The following VPS13B variants were observed in gnomAD, a reference collection of about 807,000 sequenced individuals.
VPS13B encodes the protein intermembrane lipid transfer protein VPS13B.
In VPS13B, 285 loss-of-function variants were observed where a neutral mutation model predicts 426.4. That is an observed-to-expected ratio of 0.67 (90% CI 0.61 to 0.74). VPS13B has a LOEUF of 0.74. VPS13B is among the 30% of genes least tolerant of loss of function. VPS13B has a pLI of 0.00. For synonymous variants in VPS13B, 1,676 were observed against 1,676.4 expected, an observed-to-expected ratio of 1.00 and a Z score of 0.01; for missense variants, 4,537 against 4,782.6, an observed-to-expected ratio of 0.95 and a Z score of 1.51.
chr8:99,363,293 A>G (rs1812670840), intron 19 of VPS13B, among the ~76,000 whole-genome samples: 1 of 152,064 alleles, frequency 6.6e-6, no homozygotes, highest in Admixed American at 6.5e-5. Flanking sequence ...TGTTCTTGGC[A>G]CCGTTGTTGA....
intron 21 of VPS13B, among the ~76,000 whole-genome samples, chr8:99,392,082 C>A (rs1481986073): frequency 6.6e-6 from 1 of 152,168 alleles, no homozygotes; most frequent in South Asian, 2.1e-4. Context: ...AGACTGTTCG[C>A]TATGCAAATA....
At chr8:99,229,380 G>A (rs1816196447) in intron 17 of VPS13B, among the ~76,000 whole-genome samples, 1 of 152,206 alleles carries the variant, frequency 6.6e-6, no homozygotes, top group Non-Finnish European at 1.5e-5. Context: ...GCTAACAGCT[G>A]AAGACTGTCA....
intron 61 of VPS13B, 134 bp downstream of exon 61, chr8:99,871,831 CAG>C: frequency 1.3e-6 from 2 of 1,520,088 alleles, no homozygotes; most frequent in Non-Finnish European, 1.8e-6. Context: ...AGCTGCTACC[CAG>C]AGGAGGAAGT....
chr8:99,143,931 T>C (rs573625934), intron 13 of VPS13B, among the ~76,000 whole-genome samples: 2 of 152,308 alleles, frequency 1.3e-5, no homozygotes, highest in African/African-American at 4.8e-5. Flanking sequence ...GACTAGGTTC[T>C]GTCTACTGGG....
intron 3 of VPS13B, among the ~76,000 whole-genome samples, chr8:99,046,221 C>A (rs1346607075): frequency 2.6e-5 from 4 of 152,134 alleles, no homozygotes; most frequent in African/African-American, 9.6e-5. Flanking sequence ...TTTCTTCCAG[C>A]AGTGTTTGTA....
chr8:99,323,089 G>A (rs1810063770), intron 19 of VPS13B, among the ~76,000 whole-genome samples: 1 of 152,178 alleles, frequency 6.6e-6, no homozygotes, highest in African/African-American at 2.4e-5. Flanking sequence ...GACAGGCTTG[G>A]CCAGTTCGTA....
chr8:99,873,424 A>G (rs957211792), intron 61 of VPS13B: 2 of 152,190 alleles, frequency 1.3e-5, no homozygotes, highest in Non-Finnish European at 2.9e-5. Flanking sequence ...TACCATTTTC[A>G]GCACTGATTT....
intron 6 of VPS13B, among the ~76,000 whole-genome samples, chr8:99,115,241 G>A (rs1278511509): frequency 6.6e-6 from 1 of 151,940 alleles, no homozygotes; most frequent in African/African-American, 2.4e-5. Context: ...GGATGTATAT[G>A]TATTCTTTAT....
chr8:99,119,278 T>C lies in VPS13B; in HGVS notation c.938-1899T>C, dbSNP rs981823151. 2.6e-5 allele frequency: 4 copies of C among 152,228 alleles called. 1 individual carries two copies. Among genetic ancestry groups the C allele is most frequent in the Admixed American group, 2.6e-4 (4 of 15,282 alleles). The allele number at this position is 152,228 out of a possible 1,614,324, so 9.4% of individuals were successfully genotyped here. ...TATTTATTGACATAGTCTCACTCTG[T>C]TGCCTAGGCTGGAGTATGATGGCAT... On this transcript the variant is annotated intron_variant, in intron 7 of 61. Transcript: ENST00000357162.
At chr8:99,675,559 A>G (rs1029485474) in intron 35 of VPS13B, among the ~76,000 whole-genome samples, 2 of 151,950 alleles carry the variant, frequency 1.3e-5, no homozygotes, top group African/African-American at 2.4e-5. Flanking sequence ...ATCTATCTCT[A>G]TTCTCTCTTG....
At chr8:99,669,427 G>A (rs770338110) in intron 35 of VPS13B, among the ~76,000 whole-genome samples, 3 of 152,026 alleles carry the variant, frequency 2.0e-5, no homozygotes, top group Non-Finnish European at 4.4e-5. Context: ...TTGTAGCCAT[G>A]AAATGACATT....
chr8:99,084,871 C>T (rs980619560), intron 3 of VPS13B, among the ~76,000 whole-genome samples: 9 of 152,060 alleles, frequency 5.9e-5, no homozygotes, highest in Non-Finnish European at 1.3e-4. Flanking sequence ...GCTTTACTTC[C>T]GACTATGTGA....
chr8:99,259,827 A>G (rs1817951501), intron 17 of VPS13B, among the ~76,000 whole-genome samples: 1 of 152,134 alleles, frequency 6.6e-6, no homozygotes, highest in Non-Finnish European at 1.5e-5. Flanking sequence ...AGAAAGCCTT[A>G]TGAAATGTAA....
chr8:99,740,895 C>G (rs559441387), intron 39 of VPS13B, among the ~76,000 whole-genome samples: 1 of 152,176 alleles, frequency 6.6e-6, no homozygotes, highest in East Asian at 1.9e-4. Context: ...ACCATCGAGG[C>G]TAGGAAGAAA....
At chr8:99,834,543 T>TTA (rs1554574789) in intron 52 of VPS13B, among the ~76,000 whole-genome samples, 2 of 142,528 alleles carry the variant, frequency 1.4e-5, no homozygotes, top group African/African-American at 2.5e-5. Context: ...ATTTTTATTT[T>TTA]TTATTTTTTT....
At chr8:99,134,490 T>C (rs961675408) in intron 8 of VPS13B, 142 bp from the exon 9 acceptor site, 5 of 641,712 alleles carry the variant, frequency 7.8e-6, no homozygotes, top group African/African-American at 1.8e-5. Context: ...ACAGCTGTTT[T>C]TGTTGCACCT....
At chr8:99,725,352 C>T (rs1340721673) in intron 39 of VPS13B, among the ~76,000 whole-genome samples, 1 of 152,216 alleles carries the variant, frequency 6.6e-6, no homozygotes, top group Non-Finnish European at 1.5e-5. Flanking sequence ...CAAGCATTCC[C>T]ACCTGAGCTC....
In VPS13B at chr8:99,240,520, GTGTTACATAGAAC is replaced by G. The variant is rs1816869019; in HGVS notation, c.2516-33675_2516-33663del. On this transcript the variant is annotated intron_variant, in intron 17 of 61. Transcript: ENST00000357162. ...TAAAAGGGATTATAAGTATAGTGAA[GTGTTACATAGAAC>G]TGGTAAATATTTTAAGTATATGTAC... Among the ~76,000 whole-genome samples, 6 of 152,236 alleles carry G rather than the reference GTGTTACATAGAAC, an allele frequency of 3.9e-5. 1 individual carries two copies. In the South Asian group the frequency reaches 1.2e-3, roughly 32 times the overall value.
At chr8:99,309,918 C>T (rs1820860556) in intron 19 of VPS13B, among the ~76,000 whole-genome samples, 1 of 152,092 alleles carries the variant, frequency 6.6e-6, no homozygotes, top group African/African-American at 2.4e-5. Context: ...AGATGGATTC[C>T]TAGGTATTTT....
Sources: allele counts gnomAD v4.1 joint callset (sites outside exome capture counted in the v4.1 genomes callset), GRCh38; gene constraint gnomAD v4.1.1; transcripts MANE v1.5; gene names NCBI Gene and HGNC (gene_info 2026-07-23, HGNC 2026-07-21).